PHF8: variants seen among roughly 807,000 people sequenced by gnomAD.
PHF8 encodes the protein histone lysine demethylase PHF8.
In PHF8, 9 loss-of-function variants were observed where a neutral mutation model predicts 74.4. The observed-to-expected ratio is 0.12, with a 90% CI of 0.07 to 0.21. PHF8 has a LOEUF of 0.21. Ranked by LOEUF, PHF8 falls within the 10% of genes least tolerant of loss-of-function variation. The pLI, the probability that PHF8 is intolerant of heterozygous loss-of-function variation, is 1.00. For synonymous variants in PHF8, 311 were observed against 316.6 expected (o/e 0.98, Z 0.19); for missense variants, 478 against 816.6 (o/e 0.59, Z 5.05).
intron 18 of PHF8, among the ~76,000 whole-genome samples, chrX:53,977,379 C>G (rs926671524): frequency 8.9e-6 from 1 of 111,733 alleles, no homozygotes; most frequent in Non-Finnish European, 1.9e-5. Context: ...ATAGTTAAAT[C>G]CTTAACAAGA....
intron 2 of PHF8, among the ~76,000 whole-genome samples, chrX:54,034,805 C>T (rs1355903467): frequency 1.2e-5 from 1 of 84,119 alleles, no homozygotes; most frequent in African/African-American, 4.9e-5. Context: ...GCCTGGGCGA[C>T]AGAGCGAGAC....
intron 14 of PHF8, among the ~76,000 whole-genome samples, chrX:53,990,502 ACT>A (rs1249010016): frequency 9.0e-6 from 1 of 110,868 alleles, no homozygotes; most frequent in Non-Finnish European, 1.9e-5. Context: ...GACTCCTAGG[ACT>A]CTGAATTTTC....
chrX:53,989,704 G>C (rs192585734), intron 14 of PHF8, among the ~76,000 whole-genome samples: 1 of 111,924 alleles, frequency 8.9e-6, no homozygotes, highest in African/African-American at 3.2e-5. Context: ...TGGTAAATCA[G>C]TAAATTGATA....
At chrX:53,992,167 T>C (rs1044844533) in intron 14 of PHF8, among the ~76,000 whole-genome samples, 2 of 112,417 alleles carry the variant, frequency 1.8e-5, no homozygotes, top group Non-Finnish European at 3.8e-5. Context: ...ATTTTAAAAA[T>C]ATACCTTGAA....
intron 19 of PHF8, among the ~76,000 whole-genome samples, chrX:53,958,767 C>A (rs2065055514): frequency 1.2e-5 from 1 of 83,736 alleles, no homozygotes; most frequent in Non-Finnish European, 2.3e-5. Flanking sequence ...CAGAGCAAGA[C>A]TCCCTCTCAA....
chrX:53,940,486 T>C lies in PHF8; in HGVS notation c.2680A>G (p.Ile894Val), dbSNP rs782040295. 3 of 1,205,072 alleles carry C rather than the reference T, an allele frequency of 2.5e-6. No individual in the cohort carries two copies. The highest frequency in any genetic ancestry group is 1.8e-5 in the African/African-American group (1 of 57,024). Reference sequence around the variant, plus strand: ...TCCTTCAGCAAAGGCTTCTTCTTGATATATTTCTTCTTTTGGGCCTTCTGT... The same window carrying C: ...TCCTTCAGCAAAGGCTTCTTCTTGACATATTTCTTCTTTTGGGCCTTCTGT... Reference protein sequence around the residue: ...ELQKAQKKKYIKKKPLLKEVE... With the variant: ...ELQKAQKKKYVKKKPLLKEVE... The change falls in exon 21 of 22, where the codon ATC becomes GTC. Residue 894 changes from isoleucine (I) to valine (V), a missense_variant. This residue lies in a region of PHF8 where 75 missense variants were observed against 93.3 expected (regional missense o/e 0.80). Coordinates refer to ENST00000338154, the MANE Select transcript of PHF8 (RefSeq NM_015107.3).
intron 20 of PHF8, 36 bp downstream of exon 20, chrX:53,944,098 A>T (rs1557084374): frequency 1.1e-6 from 1 of 875,306 alleles, no homozygotes; most frequent in South Asian, 2.0e-5. Flanking sequence ...TCAAACTGCT[A>T]TTAGTTGCAG....
At position 53,938,291 on chromosome X, in the gene PHF8, A is replaced by G; in HGVS notation, c.*867T>C. On this transcript the variant is annotated 3_prime_UTR_variant, in exon 22 of 22. Transcript: ENST00000338154. ...GCAGGTGCTTTCAGGTTTCTGGGAG[A>G]TGGTTTTCCACCTGCCAGGGCCCAG... 1 of 1,023,371 alleles carries G rather than the reference A, an allele frequency of 9.8e-7. No homozygotes were observed. Among genetic ancestry groups the G allele is most frequent in the Non-Finnish European group, 1.2e-6 (1 of 805,167 alleles). The allele number at this position is 1,023,371 out of a possible 1,213,427, so 84.3% of individuals were successfully genotyped here.
chrX:53,981,260 A>G (rs183355884), intron 18 of PHF8, among the ~76,000 whole-genome samples: 1 of 112,359 alleles, frequency 8.9e-6, no homozygotes, highest in Admixed American at 9.5e-5. Context: ...AATGATTTCA[A>G]TGCTGTTCAG....
rs782090876 is a variant in PHF8, at chrX:53,966,985, C to A, written c.2444-4046G>T. On this transcript the variant is annotated intron_variant, in intron 18 of 21. Transcript: ENST00000338154. ...CGCCCCATCTGGGAAGGGAGGAGAC[C>A]CTCCGCCTGGCAACCGCCCCATCTG... Among the ~76,000 whole-genome samples the A allele has an allele frequency of 8.9e-4, 95 of 106,485 alleles. 1 individual carries two copies. The highest frequency in any genetic ancestry group is 6.3e-3 in the South Asian group (15 of 2,365). The allele number at this position is 106,485 out of a possible 115,157, so 92.5% of individuals were successfully genotyped here. A position where few individuals can be genotyped will look rare whatever the true frequency, so the allele number is the denominator to read the frequency against.
chrX:54,000,055 C>T (rs1452101570), intron 10 of PHF8, 94 bp from the exon 11 acceptor site: 10 of 562,937 alleles, frequency 1.8e-5, no homozygotes, highest in South Asian at 9.6e-5. Flanking sequence ...AGAAAATGCT[C>T]AAGGTTCTGA....
At position 53,940,338 on chromosome X, in the gene PHF8, T is replaced by G; in HGVS notation, c.2828A>C (p.Glu943Ala). The stretch of plus-strand genomic sequence containing the variant: ...GTCAGCGAGACTTCCTGACAGGGCC[T>G]CTTGTTTAGGCTCAGGAGGAGGCAG... ...SPLPPPEPKQ[E>A]ALSGSLADHE... The change falls in exon 21 of 22, where the codon GAG (glutamate) becomes GCG (alanine). Residue 943 changes from glutamate to alanine, a missense_variant. Glu to Ala is a moderately radical substitution (Grantham distance 107, BLOSUM62 -1). Coordinates refer to ENST00000338154, the MANE Select transcript of PHF8 (RefSeq NM_015107.3). 1 of 1,210,068 alleles carries G rather than the reference T, an allele frequency of 8.3e-7. No individual in the cohort carries two copies. The highest frequency in any genetic ancestry group is 1.8e-5 in the South Asian group (1 of 56,571).
chrX:53,984,100 G>A (rs1338054642), intron 18 of PHF8, among the ~76,000 whole-genome samples: 5 of 112,366 alleles, frequency 4.4e-5, no homozygotes, highest in African/African-American at 6.5e-5. Flanking sequence ...GATGGCTCAC[G>A]CCTATAATCC....
intron 4 of PHF8, among the ~76,000 whole-genome samples, chrX:54,018,158 T>C (rs2066103420): frequency 8.9e-6 from 1 of 112,237 alleles, no homozygotes; most frequent in Non-Finnish European, 1.9e-5. Flanking sequence ...TAAAACACTG[T>C]CAAAGAGAAA....
chrX:53,940,032 C>T, intron 21 of PHF8, 148 bp downstream of exon 21: 1 of 469,793 alleles, frequency 2.1e-6, no homozygotes, highest in Non-Finnish European at 3.7e-6. Flanking sequence ...AATCAGTCAA[C>T]ATCTCTCCAT....
At chrX:53,943,960 G>A (rs1465076130) in intron 20 of PHF8, among the ~76,000 whole-genome samples, 174 bp downstream of exon 20, 1 of 112,333 alleles carries the variant, frequency 8.9e-6, no homozygotes, top group Non-Finnish European at 1.9e-5. Context: ...TTATCATTGA[G>A]TTGGGATAAG....
At chrX:54,041,680 C>T (rs975656434) in intron 2 of PHF8, among the ~76,000 whole-genome samples, 2 of 112,659 alleles carry the variant, frequency 1.8e-5, no homozygotes, top group African/African-American at 6.4e-5. Context: ...AGTGGTTTTA[C>T]TCCTGTTTTA....
intron 18 of PHF8, 118 bp downstream of exon 18, chrX:53,984,796 T>C: frequency 1.7e-6 from 1 of 600,839 alleles, no homozygotes; most frequent in Non-Finnish European, 2.9e-6. Context: ...AGAAACTAAG[T>C]ATCAGGCTTA....
chrX:53,948,019 C>T (rs782467940), intron 19 of PHF8, among the ~76,000 whole-genome samples: 1 of 111,926 alleles, frequency 8.9e-6, no homozygotes, highest in Middle Eastern at 4.6e-3. Context: ...GCAGTAGAGA[C>T]AAGTTGTCGC....
Sources: allele counts gnomAD v4.1 joint callset (sites outside exome capture counted in the v4.1 genomes callset), GRCh38; gene constraint gnomAD v4.1.1; regional missense constraint gnomAD v4.1.1; transcripts MANE v1.5; gene names NCBI Gene and HGNC (gene_info 2026-07-23, HGNC 2026-07-21).